IL1RAPL1: variants seen among roughly 807,000 people sequenced by gnomAD.
IL1RAPL1 encodes interleukin 1 receptor accessory protein like 1.
Under a neutral mutation model 48.4 loss-of-function variants are expected in IL1RAPL1, and 3 were observed. The ratio of observed to expected loss-of-function variants is 0.06; its 90% confidence interval spans 0.03 to 0.16. The LOEUF is 0.16. Ranked by LOEUF, IL1RAPL1 falls within the 10% of genes least tolerant of loss-of-function variation. IL1RAPL1 has a pLI of 1.00. For missense variants in IL1RAPL1, 349 were observed against 530.6 expected (o/e 0.66, Z 3.36); for synonymous variants, 185 against 187.7 (o/e 0.99, Z 0.12).
intron 2 of IL1RAPL1, among the ~76,000 whole-genome samples, chrX:28,792,688 T>G (rs188074599): frequency 0.044 from 4,095 of 93,883 alleles, 165 homozygotes; most frequent in African/African-American, 0.12. Context: ...CTTGGGAGGC[T>G]GAGGCAGGAG....
chrX:28,651,021 C>G (rs1235803894), intron 1 of IL1RAPL1, among the ~76,000 whole-genome samples: 1 of 111,946 alleles, frequency 8.9e-6, no homozygotes, highest in Non-Finnish European at 1.9e-5. Context: ...CCTCATGTGA[C>G]TGGGTTTCAG....
chrX:29,434,727 A>G (rs920245416), intron 5 of IL1RAPL1, among the ~76,000 whole-genome samples: 1 of 111,280 alleles, frequency 9.0e-6, no homozygotes, highest in African/African-American at 3.2e-5. Context: ...GTATTTCATT[A>G]TACCTTACAG....
At chrX:28,817,712 G>A (rs780968736) in intron 2 of IL1RAPL1, among the ~76,000 whole-genome samples, 1 of 111,437 alleles carries the variant, frequency 9.0e-6, no homozygotes, top group South Asian at 3.7e-4. Flanking sequence ...TTTGTCCCAA[G>A]TGCACATTAC....
intron 2 of IL1RAPL1, among the ~76,000 whole-genome samples, chrX:29,195,144 A>G (rs754950736): frequency 1.8e-5 from 2 of 112,172 alleles, no homozygotes; most frequent in South Asian, 7.4e-4. Context: ...ATATATTGAT[A>G]TGCTTTTCAC....
At chrX:29,215,549 A>G (rs758556976) in intron 2 of IL1RAPL1, among the ~76,000 whole-genome samples, 1 of 111,096 alleles carries the variant, frequency 9.0e-6, no homozygotes, top group African/African-American at 3.3e-5. Context: ...CTCATCCCAT[A>G]AAGTATAGAG....
chrX:29,260,243 G>C (rs937014707), intron 2 of IL1RAPL1, among the ~76,000 whole-genome samples: 1 of 112,574 alleles, frequency 8.9e-6, no homozygotes, highest in African/African-American at 3.2e-5. Flanking sequence ...AGAGCTAACT[G>C]AGGATAAAAC....
chrX:29,408,036 A>G (rs1255254752), intron 5 of IL1RAPL1, among the ~76,000 whole-genome samples: 2 of 111,876 alleles, frequency 1.8e-5, no homozygotes, highest in Non-Finnish European at 3.8e-5. Context: ...ACTCACATCC[A>G]GACTACACTA....
chrX:28,695,239 G>A (rs1368183006), intron 1 of IL1RAPL1, among the ~76,000 whole-genome samples: 1 of 111,285 alleles, frequency 9.0e-6, no homozygotes, highest in Non-Finnish European at 1.9e-5. Context: ...ATTAGACCGT[G>A]TGCTGGGAGT....
chrX:29,582,000 G>A (rs1473322168), intron 5 of IL1RAPL1, among the ~76,000 whole-genome samples: 4 of 111,728 alleles, frequency 3.6e-5, no homozygotes, highest in Admixed American at 2.9e-4. Context: ...GGCTTGGGCT[G>A]AGTTTATGTC....
chrX:29,944,010 T>A (rs1419400268), intron 9 of IL1RAPL1, among the ~76,000 whole-genome samples: 1 of 111,987 alleles, frequency 8.9e-6, no homozygotes, highest in Non-Finnish European at 1.9e-5. Flanking sequence ...GAAAGCAATT[T>A]AGTTAATAAA....
At chrX:28,816,545 G>C (rs909719515) in intron 2 of IL1RAPL1, among the ~76,000 whole-genome samples, 1 of 110,989 alleles carries the variant, frequency 9.0e-6, no homozygotes, top group Non-Finnish European at 1.9e-5. Flanking sequence ...ATGGCCGCCA[G>C]CTGCCTCTAC....
chrX:29,691,274 G>A (rs1926763752), intron 6 of IL1RAPL1, among the ~76,000 whole-genome samples: 1 of 111,591 alleles, frequency 9.0e-6, no homozygotes, highest in Non-Finnish European at 1.9e-5. Context: ...CACGAAAATG[G>A]TACTGAAATG....
intron 1 of IL1RAPL1, among the ~76,000 whole-genome samples, chrX:28,769,702 T>C (rs928331650): frequency 5.4e-5 from 6 of 111,444 alleles, no homozygotes; most frequent in African/African-American, 2.0e-4. Flanking sequence ...AGACCTGTTA[T>C]CATTCTGGGG....
chrX:29,588,258 T>C (rs1187372997), intron 5 of IL1RAPL1, among the ~76,000 whole-genome samples: 1 of 112,344 alleles, frequency 8.9e-6, no homozygotes, highest in Non-Finnish European at 1.9e-5. Context: ...GGAGATTCAA[T>C]GGGAAGCAAC....
intron 2 of IL1RAPL1, among the ~76,000 whole-genome samples, chrX:29,001,040 C>T (rs1035490176): frequency 9.1e-6 from 1 of 110,171 alleles, no homozygotes; most frequent in Non-Finnish European, 1.9e-5. Context: ...CTATTACTCT[C>T]ACCTTTCTTT....
At chrX:29,003,821 T>C (rs1050799309) in intron 2 of IL1RAPL1, among the ~76,000 whole-genome samples, 1 of 112,192 alleles carries the variant, frequency 8.9e-6, no homozygotes, top group African/African-American at 3.2e-5. Flanking sequence ...TACTGTGAAA[T>C]AAGAATTTAC....
At chrX:28,830,989 G>A (rs1346176880) in intron 2 of IL1RAPL1, among the ~76,000 whole-genome samples, 3 of 22,385 alleles carry the variant, frequency 1.3e-4, no homozygotes, top group Non-Finnish European at 2.6e-4. Flanking sequence ...CTTTGCCCAG[G>A]GTTTCTCTCT....
At chrX:29,319,301 C>T (rs1402473464) in intron 3 of IL1RAPL1, among the ~76,000 whole-genome samples, 1 of 107,031 alleles carries the variant, frequency 9.3e-6, no homozygotes, top group African/African-American at 3.4e-5. Flanking sequence ...AAATGATCCT[C>T]TCACCTCAGC....
At chrX:28,986,776 G>T (rs1393158272) in intron 2 of IL1RAPL1, among the ~76,000 whole-genome samples, 1 of 111,965 alleles carries the variant, frequency 8.9e-6, no homozygotes, top group Non-Finnish European at 1.9e-5. Flanking sequence ...TTTTTAATTT[G>T]CTAATCCCAA....
Sources: allele counts gnomAD v4.1 joint callset (sites outside exome capture counted in the v4.1 genomes callset), GRCh38; gene constraint gnomAD v4.1.1; transcripts MANE v1.5; gene names NCBI Gene and HGNC (gene_info 2026-07-23, HGNC 2026-07-21).